C4BPA: variants seen among roughly 807,000 people sequenced by gnomAD.
The protein encoded by C4BPA is complement component 4 binding protein alpha.
C4BPA carries 31 observed loss-of-function variants against 63.7 expected under a neutral mutation model. That is an observed-to-expected ratio of 0.49 (90% CI 0.37 to 0.66). The LOEUF is 0.66. Ranked by LOEUF, C4BPA falls within the 30% of genes least tolerant of loss-of-function variation. The pLI is 0.00. For missense variants in C4BPA, 572 were observed against 723.3 expected (o/e 0.79, Z 2.40); for synonymous variants, 259 against 254.7 (o/e 1.02, Z -0.16).
At chr1:207,134,181 G>T (rs913312916) in intron 8 of C4BPA, among the ~76,000 whole-genome samples, 2 of 152,054 alleles carry the variant, frequency 1.3e-5, no homozygotes, top group South Asian at 4.1e-4. Context: ...TTTCATTTTG[G>T]AGGCTCCTAA....
At chr1:207,108,020 A>C (rs964451661) in intron 1 of C4BPA, among the ~76,000 whole-genome samples, 1 of 152,214 alleles carries the variant, frequency 6.6e-6, no homozygotes, top group African/African-American at 2.4e-5. Context: ...GTAGTGTTGG[A>C]GGAACATAGT....
chr1:207,126,968 T>C (rs1685059154), intron 7 of C4BPA, 73 bp downstream of exon 7: 2 of 1,057,158 alleles, frequency 1.9e-6, no homozygotes, highest in Non-Finnish European at 1.4e-6. Context: ...ACGGGTATAC[T>C]TGCATGCATA....
rs554115490 is a variant in C4BPA at position 207,106,964 on chromosome 1, A to G, written c.-26+2534A>G. Among the ~76,000 whole-genome samples, 10 of 152,314 alleles carry G rather than the reference A, an allele frequency of 6.6e-5. 1 individual carries two copies. In the South Asian group the frequency reaches 2.1e-3, roughly 32 times the overall value. On this transcript the variant is annotated intron_variant, in intron 1 of 11. Coordinates refer to ENST00000367070, the MANE Select transcript of C4BPA (RefSeq NM_000715.4). The stretch of plus-strand genomic sequence containing the variant: ...GACCAATTACAATACCACGTTAGAG[A>G]TGGAAAGTTGAATAAACACCTTCCT...
rs757329946 is a variant in C4BPA, at chr1:207,114,127, CATTTGCTGCCCCG to C, written c.173_185del (p.Phe58TrpfsTer5). On this transcript the variant is annotated frameshift_variant, in exon 3 of 12. Coordinates refer to ENST00000367070, the MANE Select transcript of C4BPA (RefSeq NM_000715.4). LOFTEE classifies it high-confidence loss of function. The stretch of plus-strand genomic sequence containing the variant: ...AATTGTGGTCCTCCACCCACTTTAT[CATTTGCTGCCCCG>C]ATGGATATTACGTTGACTGAGACAC... 6.2e-7 allele frequency: 1 copy of C among 1,613,134 alleles called. No individual in the cohort carries two copies. The highest frequency in any genetic ancestry group is 8.5e-7 in the Non-Finnish European group (1 of 1,179,486).
intron 1 of C4BPA, 128 bp from the exon 2 acceptor site, chr1:207,112,873 G>GT (rs1214885361): frequency 7.4e-6 from 6 of 805,770 alleles, no homozygotes; most frequent in African/African-American, 3.6e-5. Flanking sequence ...GTGCTCAGGG[G>GT]TTTTTTTGTT....
chr1:207,144,030 AC>A (rs1685479451), intron 11 of C4BPA, 37 bp downstream of exon 11: 3 of 1,491,458 alleles, frequency 2.0e-6, no homozygotes, highest in Non-Finnish European at 2.7e-6. Context: ...TGTGCTGTCG[AC>A]CCCTAAAAAT....
chr1:207,117,451 G>A (rs1026109349), intron 4 of C4BPA, among the ~76,000 whole-genome samples: 2 of 152,066 alleles, frequency 1.3e-5, no homozygotes, highest in African/African-American at 2.4e-5. Flanking sequence ...ACCTCATCTC[G>A]AAAAATAAAC....
At chr1:207,137,601 G>A (rs1685312998) in intron 9 of C4BPA, among the ~76,000 whole-genome samples, 1 of 151,538 alleles carries the variant, frequency 6.6e-6, no homozygotes, top group Non-Finnish European at 1.5e-5. Context: ...GTTTTGTTTT[G>A]TTTTGTTTTG....
chr1:207,143,477 A>G (rs772570725), intron 10 of C4BPA, among the ~76,000 whole-genome samples: 1 of 152,216 alleles, frequency 6.6e-6, no homozygotes, highest in Non-Finnish European at 1.5e-5. Context: ...CAGAACTTAA[A>G]GTATAATAAA....
At chr1:207,138,535 A>G (rs1382572878) in intron 9 of C4BPA, among the ~76,000 whole-genome samples, 1 of 152,208 alleles carries the variant, frequency 6.6e-6, no homozygotes, top group Non-Finnish European at 1.5e-5. Context: ...TCTATGGTGT[A>G]ACTGTCCTGT....
chr1:207,136,482 C>T (rs774400405), intron 9 of C4BPA, among the ~76,000 whole-genome samples: 4 of 152,208 alleles, frequency 2.6e-5, no homozygotes, highest in Non-Finnish European at 5.9e-5. Flanking sequence ...TTTCTTCTTA[C>T]AGGACTAGGA....
intron 8 of C4BPA, among the ~76,000 whole-genome samples, chr1:207,132,882 G>A (rs1009371751): frequency 6.6e-6 from 1 of 151,998 alleles, no homozygotes; most frequent in Non-Finnish European, 1.5e-5. Context: ...AAAATTAGCG[G>A]GATGTGGTGG....
At chr1:207,132,115 G>A (rs987766725) in intron 8 of C4BPA, among the ~76,000 whole-genome samples, 3 of 152,156 alleles carry the variant, frequency 2.0e-5, no homozygotes, top group Non-Finnish European at 4.4e-5. Context: ...TTTGGCAGAA[G>A]ACAAGTTTGT....
At chr1:207,112,797 C>A in intron 1 of C4BPA, 1 of 480,324 alleles carries the variant, frequency 2.1e-6, no homozygotes, top group Non-Finnish European at 3.6e-6. Flanking sequence ...CACTTGGAAT[C>A]AATCTCTCTT....
At chr1:207,137,387 G>C (rs1480126804) in intron 9 of C4BPA, among the ~76,000 whole-genome samples, 1 of 152,198 alleles carries the variant, frequency 6.6e-6, no homozygotes, top group Non-Finnish European at 1.5e-5. Context: ...GGTACAGCTT[G>C]CTTTTATACA....
chr1:207,123,644 GC>G (rs1173131483), intron 4 of C4BPA, among the ~76,000 whole-genome samples: 1 of 152,144 alleles, frequency 6.6e-6, no homozygotes, highest in African/African-American at 2.4e-5. Context: ...GCTGAAGCCA[GC>G]CTTTTATTGT....
chr1:207,136,458 C>T (rs554164819), intron 9 of C4BPA, among the ~76,000 whole-genome samples: 4 of 152,266 alleles, frequency 2.6e-5, no homozygotes, highest in Non-Finnish European at 5.9e-5. Flanking sequence ...CTCTTTGTGC[C>T]CAATCTTCCA....
intron 4 of C4BPA, among the ~76,000 whole-genome samples, chr1:207,116,438 GTC>G (rs1446013388): frequency 2.0e-5 from 3 of 151,478 alleles, no homozygotes; most frequent in Non-Finnish European, 2.9e-5. Context: ...ATACACATGA[GTC>G]TGTGCATTGC....
intron 11 of C4BPA, 73 bp downstream of exon 11, chr1:207,144,066 C>A: frequency 9.3e-7 from 1 of 1,071,340 alleles, no homozygotes; most frequent in Non-Finnish European, 1.3e-6. Context: ...GAGCTCTGTA[C>A]CACTCAACAA....
Sources: gnomAD v4.1 joint callset for allele counts (sites outside exome capture counted in the v4.1 genomes callset) on GRCh38, gnomAD v4.1.1 for gene constraint, MANE v1.5 for transcripts, NCBI Gene and HGNC (gene_info 2026-07-23, HGNC 2026-07-21) for gene names.